Variants in DYSF observed in about 807,000 individuals in gnomAD.
DYSF encodes dysferlin, also known as dystrophy-associated fer-1-like 1.
DYSF carries 212 observed loss-of-function variants against 274.9 expected under a neutral mutation model. The ratio of observed to expected loss-of-function variants is 0.77; its 90% confidence interval spans 0.69 to 0.86. DYSF has a LOEUF of 0.86. Ranked by LOEUF, DYSF falls within the 40% of genes least tolerant of loss-of-function variation. The pLI, the probability that DYSF is intolerant of heterozygous loss-of-function variation, is 0.00. For synonymous variants in DYSF, 1,091 were observed against 1,078.7 expected (o/e 1.01, Z -0.22); for missense variants, 2,666 against 2,783.2 (o/e 0.96, Z 0.95).
intron 41 of DYSF, among the ~76,000 whole-genome samples, chr2:71,634,754 T>C (rs1182113827): frequency 6.6e-6 from 1 of 152,260 alleles, no homozygotes; most frequent in Middle Eastern, 3.4e-3. Context: ...CAGTTCTGGG[T>C]TGGGCTTCCA....
At chr2:71,603,087 A>G (rs1257433228) in intron 36 of DYSF, among the ~76,000 whole-genome samples, 1 of 152,196 alleles carries the variant, frequency 6.6e-6, no homozygotes, top group Non-Finnish European at 1.5e-5. Context: ...ATGATTAAGT[A>G]CCAGGTGGCA....
At position 71,590,174 on chromosome 2, in the gene DYSF, A is replaced by T. The variant is rs773024724; in HGVS notation, c.3497-37A>T. On this transcript the variant is annotated intron_variant, in intron 31 of 55. Coordinates refer to ENST00000410020, the MANE Select transcript of DYSF (RefSeq NM_001130987.2). ...GCCCCAGCTCTTAACCACTCCAGCC[A>T]CTCACTCTGGCACCTCTGTTTTTTC... The T allele has an allele frequency of 3.1e-6, 5 of 1,610,486 alleles. No individual in the cohort carries two copies. The Admixed American group carries it at 8.3e-5, about 27-fold the overall frequency.
At chr2:71,516,410 G>A (rs1442437455) in intron 9 of DYSF, among the ~76,000 whole-genome samples, 168 bp downstream of exon 9, 6 of 152,216 alleles carry the variant, frequency 3.9e-5, no homozygotes, top group African/African-American at 1.4e-4. Flanking sequence ...GTGAGAGGGA[G>A]ACGTGTTAAA....
intron 18 of DYSF, 111 bp from the exon 19 acceptor site, chr2:71,551,496 G>A: frequency 1.1e-6 from 1 of 902,132 alleles, no homozygotes; most frequent in Non-Finnish European, 1.7e-6. Context: ...GTTGGCTGAG[G>A]GACCTCCTGG....
At chr2:71,475,785 T>C (rs1011628240) in intron 1 of DYSF, among the ~76,000 whole-genome samples, 1 of 152,192 alleles carries the variant, frequency 6.6e-6, no homozygotes, top group African/African-American at 2.4e-5. Flanking sequence ...TTTTATTTTT[T>C]AGAGACAGGG....
chr2:71,630,230 T>C lies in DYSF; in HGVS notation c.4527+9621T>C, dbSNP rs147183086. Among the ~76,000 whole-genome samples, 3 of 152,340 alleles carry C rather than the reference T, an allele frequency of 2.0e-5. No individual in the cohort carries two copies. The East Asian group carries it at 5.8e-4, about 29-fold the overall frequency. On this transcript the variant is annotated intron_variant, in intron 41 of 55. Coordinates refer to ENST00000410020, the MANE Select transcript of DYSF (RefSeq NM_001130987.2). ...TAGATTTGCAGTAGTTTCACTTTGC[T>C]GGTTAGAAATCCAGCAGGGTGGGAG... is the stretch of plus-strand genomic sequence containing the variant.
At position 71,527,384 on chromosome 2, in the gene DYSF, G is replaced by A. The variant is rs77603291; in HGVS notation, c.1277-914G>A. ...TGACGTCAAGAAATGAAATGTACAA[G>A]CTTACTTAGATCAAATCCTGAAGAA... On this transcript the variant is annotated intron_variant, in intron 13 of 55. Coordinates refer to ENST00000410020, the MANE Select transcript of DYSF (RefSeq NM_001130987.2). Among the ~76,000 whole-genome samples the A allele has an allele frequency of 5.0e-3, 757 of 152,276 alleles. 10 individuals carry two copies. Among genetic ancestry groups the A allele is most frequent in the African/African-American group, 0.017 (702 of 41,546 alleles).
At chr2:71,473,599 C>T (rs949120186) in intron 1 of DYSF, among the ~76,000 whole-genome samples, 1 of 152,126 alleles carries the variant, frequency 6.6e-6, no homozygotes, top group Non-Finnish European at 1.5e-5. Context: ...GAGGGACATC[C>T]GAGACTGGGA....
chr2:71,622,126 C>CTTTTTTTTTTTTTTTTTT (rs1558651607), intron 41 of DYSF, among the ~76,000 whole-genome samples: 1 of 38,760 alleles, frequency 2.6e-5, no homozygotes, highest in African/African-American at 6.1e-5. Flanking sequence ...CAGATGATTT[C>CTTTTTTTTTTTTTTTTTT]TTTGTTTTTT....
chr2:71,544,058 C>T (rs1022656337), intron 17 of DYSF, among the ~76,000 whole-genome samples: 1 of 152,216 alleles, frequency 6.6e-6, no homozygotes, highest in African/African-American at 2.4e-5. Flanking sequence ...TCTGTTCTCT[C>T]CCGGCAGTTC....
intron 22 of DYSF, among the ~76,000 whole-genome samples, chr2:71,559,561 C>T (rs1021547267): frequency 3.3e-5 from 5 of 152,250 alleles, no homozygotes; most frequent in East Asian, 1.9e-4. Context: ...GGAGCCCTAA[C>T]GCTTCTGAAG....
At position 71,570,924 on chromosome 2, in the gene DYSF, A is replaced by C. The variant is rs866763514; in HGVS notation, c.3228+183A>C. 54 of 763,588 alleles carry C rather than the reference A, an allele frequency of 7.1e-5. No homozygotes were observed. The African/African-American group carries it at 1.0e-3, about 14-fold the overall frequency. 47.3% of individuals were successfully genotyped at this position (763,588 alleles called of 1,614,324 possible). ...TACCCAAAGATCACACCCAGCATACACACAGATCACACCCAGCATACCCAA... is the reference window on the plus strand; with the variant it reads ...TACCCAAAGATCACACCCAGCATACCCACAGATCACACCCAGCATACCCAA... On this transcript the variant is annotated intron_variant, in intron 29 of 55. Transcript: ENST00000410020.
chr2:71,599,885 T>A (rs1344873586), intron 33 of DYSF, among the ~76,000 whole-genome samples: 1 of 152,086 alleles, frequency 6.6e-6, no homozygotes, highest in Non-Finnish European at 1.5e-5. Context: ...TGGCCTGGGC[T>A]GGGGATGCAA....
At chr2:71,574,558 T>C (rs2092636645) in intron 30 of DYSF, among the ~76,000 whole-genome samples, 187 bp downstream of exon 30, 1 of 152,180 alleles carries the variant, frequency 6.6e-6, no homozygotes, top group Non-Finnish European at 1.5e-5. Flanking sequence ...CTGGGTGTTC[T>C]TCTAAAATGA....
At chr2:71,556,473 T>G (rs1339533085) in intron 22 of DYSF, among the ~76,000 whole-genome samples, 3 of 152,170 alleles carry the variant, frequency 2.0e-5, no homozygotes, top group Non-Finnish European at 4.4e-5. Flanking sequence ...CATGGCTGAT[T>G]GTTGACTTCA....
chr2:71,664,436 T>C lies in DYSF; in HGVS notation c.5172T>C (p.Cys1724=). The C allele has an allele frequency of 6.2e-7, 1 of 1,614,092 alleles. No individual in the cohort carries two copies. The highest frequency in any genetic ancestry group is 1.7e-5 in the Admixed American group (1 of 60,022). ...GARCGLPQTY[C]VSGPNQWRDQ... Reference sequence around the variant, plus strand: ...GCTGTGGACTCCCACAGACCTACTGTGTGTACGTGGATGGGGGCTGGCTGC... The same window carrying C: ...GCTGTGGACTCCCACAGACCTACTGCGTGTACGTGGATGGGGGCTGGCTGC... The change falls in exon 46 of 56, where the codon TGT becomes TGC. Residue 1724 remains cysteine, a splice_region_variant and synonymous_variant. Transcript: ENST00000410020.
intron 39 of DYSF, 145 bp downstream of exon 39, chr2:71,612,951 G>A (rs911800152): frequency 3.5e-6 from 4 of 1,127,158 alleles, no homozygotes; most frequent in Non-Finnish European, 3.7e-6. Context: ...ACCACAGGGT[G>A]GAGACCTTCC....
At chr2:71,537,218 G>GTTTTTTTTTTT (rs751063098) in intron 16 of DYSF, among the ~76,000 whole-genome samples, 1 of 47,710 alleles carries the variant, frequency 2.1e-5, no homozygotes, top group Non-Finnish European at 4.9e-5. Context: ...TTACTTTCTA[G>GTTTTTTTTTTT]TTTTGTTTTT....
intron 35 of DYSF, 95 bp from the exon 36 acceptor site, chr2:71,602,681 C>T (rs1211855777): frequency 3.6e-6 from 5 of 1,382,518 alleles, no homozygotes; most frequent in Middle Eastern, 1.9e-4. Context: ...CCTCTGGCCC[C>T]GCCTAGTGCG....
Sources: allele counts gnomAD v4.1 joint callset (sites outside exome capture counted in the v4.1 genomes callset), GRCh38; gene constraint gnomAD v4.1.1; transcripts MANE v1.5; gene names NCBI Gene and HGNC (gene_info 2026-07-23, HGNC 2026-07-21).